Variants in SUGCT observed in about 807,000 individuals in gnomAD.
SUGCT encodes succinyl-CoA:glutarate CoA-transferase.
A neutral mutation model predicts 55.0 loss-of-function variants in SUGCT; 41 were observed. That is an observed-to-expected ratio of 0.74 (90% CI 0.58 to 0.97). SUGCT has a LOEUF of 0.97. SUGCT is among the 50% of genes least tolerant of loss of function. The probability of loss-of-function intolerance (pLI) is 0.00; values close to 1 mark genes in which losing one functional copy is unlikely to be tolerated. For missense variants in SUGCT, 568 were observed against 547.8 expected (o/e 1.04, Z -0.37); for synonymous variants, 187 against 200.4 (o/e 0.93, Z 0.56).
the SUGCT span, among the ~76,000 whole-genome samples, chr7:40,936,049 A>G: frequency 5.9e-5 from 9 of 152,140 alleles, no homozygotes; most frequent in Non-Finnish European, 1.0e-4. Flanking sequence ...AAAATTTTCT[A>G]TTCAAATCCT....
At chr7:40,157,757 G>A (rs1783967511) in intron 1 of SUGCT, among the ~76,000 whole-genome samples, 1 of 152,150 alleles carries the variant, frequency 6.6e-6, no homozygotes, top group Non-Finnish European at 1.5e-5. Flanking sequence ...GCTTCTGTAG[G>A]ATGTGATTAG....
chr7:40,277,222 G>A (rs7800806), intron 8 of SUGCT, among the ~76,000 whole-genome samples: 12 of 151,768 alleles, frequency 7.9e-5, no homozygotes, highest in Non-Finnish European at 1.3e-4. Flanking sequence ...TTTTTCTGTC[G>A]CCCAGGCTGG....
intron 7 of SUGCT, among the ~76,000 whole-genome samples, chr7:40,259,676 A>G (rs77713562): frequency 3.9e-5 from 6 of 152,306 alleles, no homozygotes; most frequent in South Asian, 2.1e-4. Flanking sequence ...TGCCAGTTGT[A>G]TGGTTATCTT....
At chr7:40,764,224 C>G (rs967350907) in intron 13 of SUGCT, among the ~76,000 whole-genome samples, 3 of 152,148 alleles carry the variant, frequency 2.0e-5, no homozygotes, top group Non-Finnish European at 4.4e-5. Context: ...CCAACCATTC[C>G]CTGTTAAATG....
intron 12 of SUGCT, among the ~76,000 whole-genome samples, chr7:40,645,908 C>CA (rs1421790951): frequency 6.6e-6 from 1 of 152,136 alleles, no homozygotes; most frequent in Admixed American, 6.5e-5. Flanking sequence ...GCTTAGACCC[C>CA]ATGTCTCAGT....
intron 1 of SUGCT, among the ~76,000 whole-genome samples, chr7:40,136,853 C>T (rs1451147238): frequency 2.0e-5 from 3 of 151,988 alleles, no homozygotes; most frequent in African/African-American, 7.3e-5. Flanking sequence ...AAAAATTAGC[C>T]GGGCTTGGTG....
At chr7:40,914,062 G>GTT in the SUGCT span, among the ~76,000 whole-genome samples, 226 of 143,882 alleles carry the variant, frequency 1.6e-3, no homozygotes, top group African/African-American at 5.1e-3. Flanking sequence ...TTTTTTTTCA[G>GTT]TTTTTTTTTT....
intron 12 of SUGCT, among the ~76,000 whole-genome samples, chr7:40,680,335 A>G (rs1365989764): frequency 6.6e-6 from 1 of 152,210 alleles, no homozygotes; most frequent in Non-Finnish European, 1.5e-5. Context: ...ATAGAAACAA[A>G]AAAATCTCAG....
chr7:40,421,832 A>G (rs969996711), intron 9 of SUGCT, among the ~76,000 whole-genome samples: 3 of 152,136 alleles, frequency 2.0e-5, no homozygotes, highest in African/African-American at 7.2e-5. Context: ...CTTGTCACCT[A>G]GTAAGACTGT....
At chr7:40,828,119 T>C (rs1563031299) in intron 13 of SUGCT, among the ~76,000 whole-genome samples, 1 of 152,164 alleles carries the variant, frequency 6.6e-6, no homozygotes, top group Non-Finnish European at 1.5e-5. Context: ...ATAAAAGAGG[T>C]AATTGGAACA....
intron 13 of SUGCT, among the ~76,000 whole-genome samples, chr7:40,794,256 C>T (rs1221409098): frequency 2.6e-5 from 4 of 152,112 alleles, no homozygotes; most frequent in African/African-American, 9.7e-5. Context: ...TTCTGATAGA[C>T]ACCTATGATA....
At chr7:40,222,300 G>A (rs1368826102) in intron 6 of SUGCT, among the ~76,000 whole-genome samples, 1 of 152,230 alleles carries the variant, frequency 6.6e-6, no homozygotes, top group African/African-American at 2.4e-5. Flanking sequence ...GTCAATCACA[G>A]GGAGCAGCAA....
intron 13 of SUGCT, among the ~76,000 whole-genome samples, chr7:40,778,346 C>T (rs1236224634): frequency 3.3e-5 from 5 of 152,150 alleles, no homozygotes; most frequent in African/African-American, 7.2e-5. Flanking sequence ...CATAACAGTG[C>T]GGTAGCCATT....
chr7:41,027,482 C>T, the SUGCT span, among the ~76,000 whole-genome samples: 1 of 152,162 alleles, frequency 6.6e-6, no homozygotes, highest in African/African-American at 2.4e-5. Flanking sequence ...GGGGGAATTT[C>T]CCTTTCAAAA....
intron 7 of SUGCT, among the ~76,000 whole-genome samples, chr7:40,255,052 C>A (rs1003723404): frequency 2.7e-5 from 4 of 150,750 alleles, no homozygotes; most frequent in African/African-American, 9.7e-5. Context: ...CATGGAGAAA[C>A]CCCCATCTCT....
At chr7:40,229,941 C>T (rs1300619074) in intron 6 of SUGCT, among the ~76,000 whole-genome samples, 2 of 151,796 alleles carry the variant, frequency 1.3e-5, no homozygotes, top group African/African-American at 4.8e-5. Flanking sequence ...TGAAGAATTA[C>T]ATTACTTACT....
chr7:40,383,824 T>C (rs1280588394), intron 9 of SUGCT, among the ~76,000 whole-genome samples: 1 of 152,164 alleles, frequency 6.6e-6, no homozygotes, highest in Non-Finnish European at 1.5e-5. Context: ...GTAGTTCTCT[T>C]AGATGACACT....
At chr7:40,501,827 G>T (rs1792296799) in intron 12 of SUGCT, among the ~76,000 whole-genome samples, 1 of 152,036 alleles carries the variant, frequency 6.6e-6, no homozygotes, top group African/African-American at 2.4e-5. Flanking sequence ...ACCCATAAAT[G>T]CTCTGAGCAT....
intron 9 of SUGCT, among the ~76,000 whole-genome samples, chr7:40,324,261 A>ATATATATATATTTATT (rs377215730): frequency 0.01 from 1,037 of 99,890 alleles, 37 homozygotes; most frequent in East Asian, 0.049. Context: ...AAATATATAT[A>ATATATATATATTTATT]TATTTATTTT....
Sources: gnomAD v4.1 joint callset for allele counts (sites outside exome capture counted in the v4.1 genomes callset) on GRCh38, gnomAD v4.1.1 for gene constraint, MANE v1.5 for transcripts, NCBI Gene and HGNC (gene_info 2026-07-23, HGNC 2026-07-21) for gene names.